The following GAPVD1 variants were observed in gnomAD, a reference collection of about 807,000 sequenced individuals.
GAPVD1 encodes the protein GTPase-activating protein and VPS9 domain-containing protein 1.
A neutral mutation model predicts 155.5 loss-of-function variants in GAPVD1; 35 were observed. The ratio of observed to expected loss-of-function variants is 0.23; its 90% CI spans 0.17 to 0.30. GAPVD1 has a LOEUF of 0.30. Among genes scored for constraint, GAPVD1 ranks in the 10% least tolerant of loss-of-function variants. The pLI is 1.00. For missense variants in GAPVD1, 1,429 were observed against 1,775.7 expected (o/e 0.80, Z 3.51); for synonymous variants, 636 against 619.7 (o/e 1.03, Z -0.39).
intron 9 of GAPVD1, among the ~76,000 whole-genome samples, chr9:125,320,055 T>C (rs1297208563): frequency 2.6e-5 from 4 of 152,240 alleles, no homozygotes; most frequent in African/African-American, 9.6e-5. Flanking sequence ...ATTTATGGTA[T>C]ACATGTTTTG....
rs886970196 is a variant in GAPVD1, at chr9:125,365,580, A to G, written c.*2834A>G. 6.6e-6 allele frequency: 1 copy of G among 152,222 alleles called. No individual in the cohort carries two copies. The highest frequency in any genetic ancestry group is 1.5e-5 in the Non-Finnish European group (1 of 68,044). The allele number at this position is 152,222 out of a possible 1,614,324, so 9.4% of individuals were successfully genotyped here. ...AAAATCAGGTTTGCATTTTGTATTAATATTCTGCTTTTAGAAGTAATAGAA... is the reference window on the plus strand; with the variant it reads ...AAAATCAGGTTTGCATTTTGTATTAGTATTCTGCTTTTAGAAGTAATAGAA... On this transcript the variant is annotated 3_prime_UTR_variant, in exon 28 of 28. Coordinates refer to ENST00000297933, the MANE Select transcript of GAPVD1 (RefSeq NM_001282680.3).
At chr9:125,286,128 G>A (rs953588956) in intron 2 of GAPVD1, among the ~76,000 whole-genome samples, 11 of 150,406 alleles carry the variant, frequency 7.3e-5, no homozygotes, top group Admixed American at 2.7e-4. Context: ...TAATATACGT[G>A]TTTTGAGATG....
chr9:125,308,856 C>T (rs755669280), intron 8 of GAPVD1: 28 of 152,080 alleles, frequency 1.8e-4, no homozygotes, highest in Admixed American at 1.2e-3. Context: ...GCATACTAAG[C>T]GTTCTGAGGA....
At chr9:125,341,300 A>G (rs1201857631) in intron 18 of GAPVD1, 36 bp downstream of exon 18, 3 of 1,022,796 alleles carry the variant, frequency 2.9e-6, no homozygotes, top group African/African-American at 1.6e-5. Flanking sequence ...TGTATTAGCA[A>G]TAAGAAGCAA....
At position 125,289,821 on chromosome 9, in the gene GAPVD1, C is replaced by T. The variant is rs375155022; in HGVS notation, c.-149-5637C>T. Among the ~76,000 whole-genome samples, 46 of 152,142 alleles carry T rather than the reference C, an allele frequency of 3.0e-4. No individual in the cohort carries two copies. In the East Asian group the frequency reaches 5.2e-3, roughly 17 times the overall value. ...AATGATTGAGACTGAATGAGATTGC[C>T]TAGGAAGTGAGTTTAGTTAGAAAAG... On this transcript the variant is annotated intron_variant, in intron 2 of 27. Coordinates refer to ENST00000297933, the MANE Select transcript of GAPVD1 (RefSeq NM_001282680.3).
At chr9:125,265,277 C>CT (rs201617690) in intron 1 of GAPVD1, among the ~76,000 whole-genome samples, 3 of 150,898 alleles carry the variant, frequency 2.0e-5, no homozygotes, top group Non-Finnish European at 3.0e-5. Context: ...CTTCTTCCTT[C>CT]TTTTTTTTTG....
intron 9 of GAPVD1, among the ~76,000 whole-genome samples, chr9:125,317,128 A>G (rs774148449): frequency 6.6e-6 from 1 of 151,394 alleles, no homozygotes; most frequent in Admixed American, 6.6e-5. Flanking sequence ...GACCAGCCTG[A>G]CCAACATGGT....
chr9:125,344,567 A>T (rs1848258040), intron 19 of GAPVD1, among the ~76,000 whole-genome samples: 1 of 152,204 alleles, frequency 6.6e-6, no homozygotes, highest in African/African-American at 2.4e-5. Flanking sequence ...AATAAAGATT[A>T]TAAGCAACAT....
intron 23 of GAPVD1, 45 bp downstream of exon 23, chr9:125,350,917 G>C: frequency 1.4e-6 from 2 of 1,442,930 alleles, no homozygotes; most frequent in Non-Finnish European, 1.9e-6. Context: ...GTTGTTAGCT[G>C]CAAGTGTTTT....
intron 3 of GAPVD1, among the ~76,000 whole-genome samples, chr9:125,296,391 T>C (rs1215419205): frequency 1.4e-5 from 2 of 143,230 alleles, no homozygotes; most frequent in Non-Finnish European, 3.0e-5. Flanking sequence ...AGTCTTACTC[T>C]GTCACCAGAC....
At chr9:125,315,779 G>A (rs1843329511) in intron 9 of GAPVD1, among the ~76,000 whole-genome samples, 1 of 152,074 alleles carries the variant, frequency 6.6e-6, no homozygotes, top group Non-Finnish European at 1.5e-5. Flanking sequence ...GCTTTGAAAA[G>A]CTCCCACGTG....
chr9:125,275,409 A>G (rs1325499473), intron 2 of GAPVD1, among the ~76,000 whole-genome samples: 2 of 152,174 alleles, frequency 1.3e-5, no homozygotes, highest in South Asian at 2.1e-4. Context: ...ACATCTTTCT[A>G]CATGGTTTGA....
chr9:125,344,462 A>G (rs986177086), intron 19 of GAPVD1, among the ~76,000 whole-genome samples: 7 of 152,102 alleles, frequency 4.6e-5, no homozygotes, highest in African/African-American at 1.7e-4. Context: ...ATTGTTCCCA[A>G]TTTTTTATTA....
intron 9 of GAPVD1, among the ~76,000 whole-genome samples, chr9:125,318,410 A>G (rs1027620529): frequency 6.6e-6 from 1 of 152,006 alleles, no homozygotes; most frequent in Non-Finnish European, 1.5e-5. Context: ...TGTATTTTAT[A>G]CTCCAGTGTG....
At chr9:125,277,339 C>T (rs1428970792) in intron 2 of GAPVD1, among the ~76,000 whole-genome samples, 1 of 152,010 alleles carries the variant, frequency 6.6e-6, no homozygotes, top group African/African-American at 2.4e-5. Context: ...AGAGATGAAC[C>T]CAAATGAGGA....
Position 125,326,543 on chromosome 9 carries a change from T to C in GAPVD1, c.1986T>C (p.Ser662=). 1 of 1,613,004 alleles carries C rather than the reference T, an allele frequency of 6.2e-7. No homozygotes were observed. Among genetic ancestry groups the C allele is most frequent in the Non-Finnish European group, 8.5e-7 (1 of 1,178,994 alleles). ...SETWSTDVLG[S]DFDPNIDEDR... ...CCTGGAGTACAGACGTCTTGGGAAG[T>C]GACTTTGACCCTAATATTGATGAAG... Residue 662 remains serine, a synonymous_variant, in exon 12 of 28, where the codon AGT becomes AGC. Transcript: ENST00000297933.
At chr9:125,271,831 C>T (rs1444517288) in intron 2 of GAPVD1, among the ~76,000 whole-genome samples, 1 of 151,994 alleles carries the variant, frequency 6.6e-6, no homozygotes, top group Non-Finnish European at 1.5e-5. Flanking sequence ...CCGCACCTGG[C>T]CCTCCTTTCA....
At chr9:125,356,619 C>T (rs917574074) in intron 25 of GAPVD1, among the ~76,000 whole-genome samples, 24 of 152,056 alleles carry the variant, frequency 1.6e-4, no homozygotes, top group African/African-American at 5.8e-4. Flanking sequence ...CTACCTTGGC[C>T]TCCTCCCAAA....
chr9:125,319,591 G>GA (rs1165863871), intron 9 of GAPVD1, among the ~76,000 whole-genome samples: 4 of 131,382 alleles, frequency 3.0e-5, no homozygotes, highest in Non-Finnish European at 6.4e-5. Context: ...AGCAAATAGG[G>GA]AAAAAAAAAC....
Sources: gnomAD v4.1 joint callset for allele counts (sites outside exome capture counted in the v4.1 genomes callset) on GRCh38, gnomAD v4.1.1 for gene constraint, MANE v1.5 for transcripts, NCBI Gene and HGNC (gene_info 2026-07-23, HGNC 2026-07-21) for gene names.